SNTB1: variants seen among roughly 807,000 people sequenced by gnomAD.
SNTB1 encodes beta-1-syntrophin.
A neutral mutation model predicts 48.9 loss-of-function variants in SNTB1; 36 were observed. The ratio of observed to expected loss-of-function variants is 0.74; its 90% CI spans 0.56 to 0.97. SNTB1 has a LOEUF of 0.97. Among genes scored for constraint, SNTB1 ranks in the 50% least tolerant of loss-of-function variants. The pLI is 0.00. For missense variants in SNTB1, 786 were observed against 703.4 expected (o/e 1.12, Z -1.33); for synonymous variants, 299 against 294.6 (o/e 1.01, Z -0.15).
At chr8:120,673,294 C>CTTTT (rs112897189) in intron 2 of SNTB1, among the ~76,000 whole-genome samples, 1 of 143,684 alleles carries the variant, frequency 7.0e-6, no homozygotes, top group Non-Finnish European at 1.5e-5. Flanking sequence ...TTTTTTCTTT[C>CTTTT]TTTTTTTTTT....
intron 5 of SNTB1, among the ~76,000 whole-genome samples, chr8:120,543,228 T>C (rs1343430063): frequency 2.0e-5 from 3 of 152,266 alleles, no homozygotes; most frequent in African/African-American, 7.2e-5. Context: ...TGAAAAAGGT[T>C]ATTAAGGATC....
chr8:120,604,700 C>T (rs1417769669), intron 3 of SNTB1, among the ~76,000 whole-genome samples: 1 of 152,142 alleles, frequency 6.6e-6, no homozygotes, highest in Non-Finnish European at 1.5e-5. Context: ...ATCCACCCAC[C>T]TCGGCCTCCC....
intron 5 of SNTB1, among the ~76,000 whole-genome samples, chr8:120,543,981 G>A (rs1815335602): frequency 6.7e-6 from 1 of 149,778 alleles, no homozygotes; most frequent in Non-Finnish European, 1.5e-5. Context: ...TTTGAGACAG[G>A]GGTCTACGCT....
chr8:120,575,243 G>A lies in SNTB1; in HGVS notation c.997-18C>T. ...CCTGGCACCTGAAAAAGAAAGCAGA[G>A]AACTGTCAAATGACAGCCTGAGGAA... On this transcript the variant is annotated intron_variant, in intron 3 of 6. Transcript: ENST00000517992. 6.2e-7 allele frequency: 1 copy of A among 1,614,084 alleles called. No homozygotes were observed.
intron 2 of SNTB1, among the ~76,000 whole-genome samples, chr8:120,659,356 T>A (rs1817550262): frequency 6.6e-6 from 1 of 152,256 alleles, no homozygotes; most frequent in Non-Finnish European, 1.5e-5. Flanking sequence ...AGCCACTTTT[T>A]TTTTGCTCAT....
chr8:120,757,917 C>A (rs554619326), intron 1 of SNTB1, among the ~76,000 whole-genome samples: 2 of 126,674 alleles, frequency 1.6e-5, no homozygotes, highest in African/African-American at 5.5e-5. Flanking sequence ...GAAAGACACT[C>A]TGAAAGATTA....
chr8:120,638,383 G>C (rs1186429721), intron 2 of SNTB1, among the ~76,000 whole-genome samples: 1 of 151,958 alleles, frequency 6.6e-6, no homozygotes, highest in Admixed American at 6.6e-5. Flanking sequence ...TACAGAAAGA[G>C]GAATGAGTAT....
intron 4 of SNTB1, among the ~76,000 whole-genome samples, chr8:120,572,293 C>T (rs1352829881): frequency 6.6e-6 from 1 of 152,192 alleles, no homozygotes; most frequent in Non-Finnish European, 1.5e-5. Flanking sequence ...AAACTTCTTC[C>T]AGAGTTTGTC....
intron 4 of SNTB1, among the ~76,000 whole-genome samples, chr8:120,573,550 A>T (rs1815892702): frequency 1.3e-5 from 2 of 151,756 alleles, no homozygotes; most frequent in African/African-American, 4.8e-5. Flanking sequence ...AGTTCCATTT[A>T]TTTATTTATT....
At chr8:120,746,077 G>A (rs1299328502) in intron 1 of SNTB1, among the ~76,000 whole-genome samples, 1 of 152,082 alleles carries the variant, frequency 6.6e-6, no homozygotes, top group African/African-American at 2.4e-5. Flanking sequence ...GAGTTGAGCA[G>A]AGTTGAGCCT....
At chr8:120,694,434 A>T (rs147221099) in intron 1 of SNTB1, among the ~76,000 whole-genome samples, 104 of 152,218 alleles carry the variant, frequency 6.8e-4, no homozygotes, top group African/African-American at 2.4e-3. Context: ...ATAGCAAAAA[A>T]AATTATTTGT....
chr8:120,559,463 C>T (rs376935549), intron 4 of SNTB1, among the ~76,000 whole-genome samples: 1 of 152,026 alleles, frequency 6.6e-6, no homozygotes, highest in East Asian at 1.9e-4. Context: ...CTTTAAATGC[C>T]CAATGTGATG....
intron 1 of SNTB1, among the ~76,000 whole-genome samples, chr8:120,747,372 C>T (rs968234949): frequency 1.3e-5 from 2 of 152,180 alleles, no homozygotes; most frequent in Non-Finnish European, 2.9e-5. Flanking sequence ...CTAGTTGTAA[C>T]CACCATCTCC....
At chr8:120,706,968 C>T (rs1430343086) in intron 1 of SNTB1, among the ~76,000 whole-genome samples, 3 of 152,128 alleles carry the variant, frequency 2.0e-5, no homozygotes, top group Non-Finnish European at 4.4e-5. Flanking sequence ...TCCGAATATG[C>T]TGCAAATCTA....
chr8:120,684,410 A>G (rs920807654), intron 2 of SNTB1, among the ~76,000 whole-genome samples: 2 of 152,060 alleles, frequency 1.3e-5, no homozygotes, highest in Non-Finnish European at 1.5e-5. Context: ...TCCAGCATCA[A>G]CTCAAAAGTC....
chr8:120,793,930 A>C (rs1458420205), intron 1 of SNTB1, among the ~76,000 whole-genome samples: 1 of 152,026 alleles, frequency 6.6e-6, no homozygotes, highest in Non-Finnish European at 1.5e-5. Context: ...GTCTTTCTCA[A>C]TGGTAAAATA....
chr8:120,782,605 C>T (rs979580424), intron 1 of SNTB1, among the ~76,000 whole-genome samples: 41 of 151,792 alleles, frequency 2.7e-4, no homozygotes, highest in African/African-American at 9.4e-4. Context: ...TACATACCTA[C>T]ACACACACAC....
At chr8:120,727,316 A>T (rs756628673) in intron 1 of SNTB1, among the ~76,000 whole-genome samples, 6 of 152,166 alleles carry the variant, frequency 3.9e-5, no homozygotes, top group Non-Finnish European at 8.8e-5. Context: ...TCTACAGAGA[A>T]TAAGACCATT....
At chr8:120,771,772 C>T (rs566078600) in intron 1 of SNTB1, among the ~76,000 whole-genome samples, 2 of 152,034 alleles carry the variant, frequency 1.3e-5, no homozygotes, top group South Asian at 4.2e-4. Context: ...CTTAGCCCTA[C>T]TAACTGAAAT....
Sources: gnomAD v4.1 joint callset for allele counts (sites outside exome capture counted in the v4.1 genomes callset) on GRCh38, gnomAD v4.1.1 for gene constraint, MANE v1.5 for transcripts, NCBI Gene and HGNC (gene_info 2026-07-23, HGNC 2026-07-21) for gene names.